PTGER3: variants seen among roughly 807,000 people sequenced by gnomAD.
PTGER3 encodes prostaglandin E2 receptor EP3 subtype.
PTGER3 carries 22 observed loss-of-function variants against 34.7 expected under a neutral mutation model. The ratio of observed to expected loss-of-function variants is 0.63; its 90% CI spans 0.45 to 0.91. The LOEUF (loss-of-function observed/expected upper bound fraction) is 0.91. Among genes scored for constraint, PTGER3 ranks in the 40% least tolerant of loss-of-function variants. The pLI is 0.00. For missense variants in PTGER3, 468 were observed against 519.4 expected (o/e 0.90, Z 0.96); for synonymous variants, 241 against 230.1 (o/e 1.05, Z -0.43).
intron 1 of PTGER3, among the ~76,000 whole-genome samples, chr1:71,027,332 T>C (rs1659020433): frequency 1.3e-5 from 2 of 152,142 alleles, no homozygotes; most frequent in South Asian, 4.1e-4. Context: ...TTTTTTTCTT[T>C]TTAAATTTTT....
At chr1:70,907,852 C>T (rs539933952) in intron 4 of PTGER3, among the ~76,000 whole-genome samples, 30 of 152,278 alleles carry the variant, frequency 2.0e-4, no homozygotes, top group Non-Finnish European at 3.2e-4. Flanking sequence ...GAGCTGAAAG[C>T]GGACTGCTTG....
intron 4 of PTGER3, among the ~76,000 whole-genome samples, chr1:70,916,748 G>A (rs1647182502): frequency 6.6e-6 from 1 of 151,832 alleles, no homozygotes; most frequent in Non-Finnish European, 1.5e-5. Context: ...GGAGAATGTG[G>A]GTTGGAAAAC....
intron 4 of PTGER3, chr1:70,865,599 G>T (rs188054721): frequency 3.5e-4 from 437 of 1,263,524 alleles, no homozygotes; most frequent in Non-Finnish European, 4.3e-4. Flanking sequence ...ATGAAAGATG[G>T]TAAGTTATTT....
chr1:70,974,871 C>T (rs1047861161), intron 2 of PTGER3, among the ~76,000 whole-genome samples: 1 of 152,166 alleles, frequency 6.6e-6, no homozygotes, highest in African/African-American at 2.4e-5. Flanking sequence ...TAGCCATCTT[C>T]GAACATTATG....
At chr1:71,011,958 C>T (rs1193423344) in intron 2 of PTGER3, 10 of 1,286,808 alleles carry the variant, frequency 7.8e-6, no homozygotes, top group Non-Finnish European at 9.8e-6. Flanking sequence ...GTTTTCATCA[C>T]ATAATTAATC....
intron 2 of PTGER3, chr1:71,010,055 A>G: frequency 2.0e-6 from 2 of 985,208 alleles, no homozygotes; most frequent in Non-Finnish European, 2.4e-6. Flanking sequence ...AAAAAACACA[A>G]AAGCTGCCAT....
At chr1:70,911,141 A>G (rs1465327494) in intron 4 of PTGER3, among the ~76,000 whole-genome samples, 1 of 151,686 alleles carries the variant, frequency 6.6e-6, no homozygotes, top group African/African-American at 2.4e-5. Context: ...GAATGATGTT[A>G]TGGGTGTCAA....
intron 4 of PTGER3, among the ~76,000 whole-genome samples, chr1:70,861,348 G>A (rs1344695052): frequency 2.6e-5 from 4 of 152,112 alleles, no homozygotes; most frequent in African/African-American, 9.7e-5. Flanking sequence ...TAACTTTCTA[G>A]TGTTAGCATT....
chr1:70,868,064 G>T (rs1258135171), intron 4 of PTGER3, among the ~76,000 whole-genome samples: 1 of 152,032 alleles, frequency 6.6e-6, no homozygotes, highest in African/African-American at 2.4e-5. Flanking sequence ...AAACATACAG[G>T]GTTATTATAC....
At chr1:70,947,587 T>G (rs1471639820), downstream of PTGER3, 1 of 152,128 alleles carries the variant, frequency 6.6e-6, no homozygotes, top group Non-Finnish European at 1.5e-5. Context: ...CTTTCTTTCT[T>G]TTTCTGAAAG....
At chr1:70,914,542 C>T (rs1647132368) in intron 4 of PTGER3, among the ~76,000 whole-genome samples, 1 of 151,804 alleles carries the variant, frequency 6.6e-6, no homozygotes, top group Non-Finnish European at 1.5e-5. Flanking sequence ...TCTCAGACCC[C>T]TTACTCTTCT....
At chr1:70,976,268 C>T (rs937219135) in intron 2 of PTGER3, among the ~76,000 whole-genome samples, 4 of 152,062 alleles carry the variant, frequency 2.6e-5, no homozygotes, top group Non-Finnish European at 5.9e-5. Flanking sequence ...ATAGTGGACG[C>T]GTCATTATAC....
At chr1:70,987,040 A>G (rs1460631214) in intron 2 of PTGER3, among the ~76,000 whole-genome samples, 1 of 152,216 alleles carries the variant, frequency 6.6e-6, no homozygotes, top group African/African-American at 2.4e-5. Context: ...CTATAATTGT[A>G]TTACAGCCTA....
intron 4 of PTGER3, among the ~76,000 whole-genome samples, chr1:70,919,927 C>T (rs1004369029): frequency 6.6e-6 from 1 of 152,220 alleles, no homozygotes; most frequent in East Asian, 1.9e-4. Flanking sequence ...AAACATCTTA[C>T]CAAAAGTATT....
chr1:70,954,166 G>C (rs1651073411), intron 2 of PTGER3, among the ~76,000 whole-genome samples: 1 of 152,128 alleles, frequency 6.6e-6, no homozygotes, highest in South Asian at 2.1e-4. Flanking sequence ...CAGGAATTAA[G>C]TTAAAGGGCT....
At chr1:70,956,390 T>C (rs998315901) in intron 2 of PTGER3, among the ~76,000 whole-genome samples, 2 of 147,566 alleles carry the variant, frequency 1.4e-5, no homozygotes, top group Non-Finnish European at 3.0e-5. Flanking sequence ...TTTTTTTTTT[T>C]CCAAAAATAG....
rs17097548 is a variant in PTGER3, at chr1:71,030,642, G to A, written c.897+16039C>T. Among the ~76,000 whole-genome samples the A allele has an allele frequency of 8.2e-3, 1,243 of 152,140 alleles. 22 individuals carry two copies. The highest frequency in any genetic ancestry group is 0.028 in the African/African-American group (1,165 of 41,502). ...TACAAAAAACACTTCCTAAATTGCC[G>A]GTATCGTGGTGAATGGAATCATTTA... On this transcript the variant is annotated intron_variant, in intron 1 of 3. Transcript: ENST00000306666.
intron 1 of PTGER3, among the ~76,000 whole-genome samples, chr1:71,012,730 A>C (rs989729707): frequency 6.6e-6 from 1 of 152,154 alleles, no homozygotes; most frequent in Admixed American, 6.5e-5. Context: ...CAGGCTCTTG[A>C]TTCTTGGAAT....
At chr1:71,039,214 C>T (rs1217547190) in intron 1 of PTGER3, among the ~76,000 whole-genome samples, 1 of 152,098 alleles carries the variant, frequency 6.6e-6, no homozygotes. Flanking sequence ...AAGGTACTAG[C>T]TCTTCCCTCA....
Sources: allele counts gnomAD v4.1 joint callset (sites outside exome capture counted in the v4.1 genomes callset), GRCh38; gene constraint gnomAD v4.1.1; transcripts MANE v1.5; gene names NCBI Gene and HGNC (gene_info 2026-07-23, HGNC 2026-07-21).